Variants in PIK3C2G observed in about 807,000 individuals in gnomAD.
The protein encoded by PIK3C2G is phosphatidylinositol 3-kinase C2 domain-containing subunit gamma.
Under a neutral mutation model 181.1 loss-of-function variants are expected in PIK3C2G, and 168 were observed. The ratio of observed to expected loss-of-function variants is 0.93; its 90% CI spans 0.82 to 1.05. The LOEUF (loss-of-function observed/expected upper bound fraction) is 1.05. PIK3C2G is among the 50% of genes least tolerant of loss of function. PIK3C2G has a pLI of 0.00. For synonymous variants in PIK3C2G, 573 were observed against 592.2 expected, an observed-to-expected ratio of 0.97 and a Z score of 0.47; for missense variants, 1,869 against 1,732.8, an observed-to-expected ratio of 1.08 and a Z score of -1.40.
At chr12:18,599,962 C>A (rs1947618412) in intron 30 of PIK3C2G, among the ~76,000 whole-genome samples, 1 of 151,720 alleles carries the variant, frequency 6.6e-6, no homozygotes, top group African/African-American at 2.4e-5. Flanking sequence ...ATTGAACACA[C>A]AAGAAGAAAC....
At chr12:18,302,117 G>A (rs1316761133) in intron 5 of PIK3C2G, among the ~76,000 whole-genome samples, 1 of 152,216 alleles carries the variant, frequency 6.6e-6, no homozygotes, top group Non-Finnish European at 1.5e-5. Flanking sequence ...AACCATGGCT[G>A]TCTTTGGGCT....
intron 18 of PIK3C2G, among the ~76,000 whole-genome samples, chr12:18,432,383 G>A (rs1946211350): frequency 6.6e-6 from 1 of 151,998 alleles, no homozygotes; most frequent in Admixed American, 6.6e-5. Flanking sequence ...ACCCACCCAG[G>A]CCTTTGGGAA....
At chr12:18,679,359 C>G in the PIK3C2G span, among the ~76,000 whole-genome samples, 1 of 151,838 alleles carries the variant, frequency 6.6e-6, no homozygotes, top group Non-Finnish European at 1.5e-5. Flanking sequence ...TTCAAGAAAC[C>G]TTTGCTTATC....
chr12:18,309,496 C>G (rs1477960477), intron 5 of PIK3C2G, among the ~76,000 whole-genome samples: 3 of 151,740 alleles, frequency 2.0e-5, no homozygotes, highest in Non-Finnish European at 4.4e-5. Context: ...GTCTGAATAA[C>G]CACAGTTTGC....
the PIK3C2G span, among the ~76,000 whole-genome samples, chr12:18,715,192 GGAGAGA>G: frequency 2.2e-4 from 2 of 8,940 alleles, no homozygotes; most frequent in African/African-American, 6.6e-4. Flanking sequence ...GCGGAGGGAG[GGAGAGA>G]GAGAGAGAGA....
intron 1 of PIK3C2G, among the ~76,000 whole-genome samples, chr12:18,277,329 G>A (rs1401571876): frequency 6.6e-6 from 1 of 152,040 alleles, no homozygotes; most frequent in Non-Finnish European, 1.5e-5. Flanking sequence ...TGGTTGAGCA[G>A]ATGAAGAGAG....
chr12:18,276,239 GT>G (rs1416945210), intron 1 of PIK3C2G, among the ~76,000 whole-genome samples: 3 of 152,094 alleles, frequency 2.0e-5, no homozygotes, highest in African/African-American at 7.2e-5. Flanking sequence ...CAGTCTGTGG[GT>G]TTCCTTCACT....
chr12:18,658,506 T>C, the PIK3C2G span, among the ~76,000 whole-genome samples: 3 of 152,104 alleles, frequency 2.0e-5, no homozygotes, highest in African/African-American at 4.8e-5. Flanking sequence ...CCACAGACCA[T>C]GGAGGCCAGA....
At chr12:18,614,499 A>G (rs866092693) in intron 31 of PIK3C2G, among the ~76,000 whole-genome samples, 38 of 152,086 alleles carry the variant, frequency 2.5e-4, no homozygotes, top group African/African-American at 8.9e-4. Flanking sequence ...ATTGGCACCA[A>G]GCTAATTGTG....
intron 4 of PIK3C2G, among the ~76,000 whole-genome samples, chr12:18,292,828 T>G (rs1238875358): frequency 6.6e-6 from 1 of 152,190 alleles, no homozygotes; most frequent in Non-Finnish European, 1.5e-5. Context: ...AACGGTGGAT[T>G]TGGAGTCTGA....
At chr12:18,543,680 G>T (rs919296822) in intron 25 of PIK3C2G, among the ~76,000 whole-genome samples, 2 of 151,902 alleles carry the variant, frequency 1.3e-5, no homozygotes, top group Non-Finnish European at 2.9e-5. Flanking sequence ...TGTCAGCTTA[G>T]TAAAAGATCA....
At chr12:18,305,392 G>C (rs1363488674) in intron 5 of PIK3C2G, among the ~76,000 whole-genome samples, 1 of 152,082 alleles carries the variant, frequency 6.6e-6, no homozygotes. Flanking sequence ...TTGGTCAAAG[G>C]AATCTCGAAG....
At chr12:18,512,723 A>C (rs1330873246) in intron 24 of PIK3C2G, among the ~76,000 whole-genome samples, 1 of 151,912 alleles carries the variant, frequency 6.6e-6, no homozygotes, top group Non-Finnish European at 1.5e-5. Flanking sequence ...TTCTATATAT[A>C]TCATGTCACC....
chr12:18,410,692 G>T (rs1944818280), intron 16 of PIK3C2G, among the ~76,000 whole-genome samples: 1 of 152,022 alleles, frequency 6.6e-6, no homozygotes, highest in Non-Finnish European at 1.5e-5. Flanking sequence ...TTTGCTTAGA[G>T]AGAGGGAACA....
downstream of PIK3C2G, among the ~76,000 whole-genome samples, chr12:18,652,696 C>T (rs1950569176): frequency 6.6e-6 from 1 of 152,020 alleles, no homozygotes; most frequent in Admixed American, 6.6e-5. Context: ...AAGCAAGGTC[C>T]CAGTCTTCAC....
At chr12:18,719,993 C>T in the PIK3C2G span, among the ~76,000 whole-genome samples, 1 of 152,200 alleles carries the variant, frequency 6.6e-6, no homozygotes, top group South Asian at 2.1e-4. Context: ...CAGAAGCCTG[C>T]CTCCGACTAA....
chr12:18,527,986 A>G (rs1258201744), intron 24 of PIK3C2G, among the ~76,000 whole-genome samples: 1 of 152,148 alleles, frequency 6.6e-6, no homozygotes, highest in Non-Finnish European at 1.5e-5. Flanking sequence ...TTACACTTAA[A>G]AGACTAACTA....
At chr12:18,274,184 A>G (rs1948873555) in intron 1 of PIK3C2G, among the ~76,000 whole-genome samples, 1 of 152,196 alleles carries the variant, frequency 6.6e-6, no homozygotes. Flanking sequence ...GAGAAATAGG[A>G]ACACTTTTAC....
intron 24 of PIK3C2G, among the ~76,000 whole-genome samples, chr12:18,520,416 C>A (rs1177628608): frequency 6.6e-6 from 1 of 151,978 alleles, no homozygotes; most frequent in Non-Finnish European, 1.5e-5. Context: ...TTGTTCATTC[C>A]TTTTCATTCT....
Sources: allele counts gnomAD v4.1 joint callset (sites outside exome capture counted in the v4.1 genomes callset), GRCh38; gene constraint gnomAD v4.1.1; transcripts MANE v1.5; gene names NCBI Gene and HGNC (gene_info 2026-07-23, HGNC 2026-07-21).